Variants in KDM4C observed in about 807,000 individuals in gnomAD.
KDM4C encodes the protein lysine-specific demethylase 4C.
KDM4C carries 81 observed loss-of-function variants against 129.3 expected under a neutral mutation model. The ratio of observed to expected loss-of-function variants is 0.63; its 90% CI spans 0.52 to 0.75. KDM4C has a LOEUF of 0.75. KDM4C is among the 30% of genes least tolerant of loss of function. KDM4C has a pLI of 0.00. For missense variants in KDM4C, 1,457 were observed against 1,304.0 expected (o/e 1.12, Z -1.81); for synonymous variants, 573 against 456.1 (o/e 1.26, Z -3.26).
intron 12 of KDM4C, among the ~76,000 whole-genome samples, chr9:7,007,554 T>G (rs921160009): frequency 2.0e-5 from 3 of 152,204 alleles, no homozygotes; most frequent in African/African-American, 7.2e-5. Context: ...ACTGCTTGGC[T>G]TTAAGATTGA....
intron 8 of KDM4C, among the ~76,000 whole-genome samples, chr9:6,963,903 C>G (rs1319202298): frequency 1.3e-5 from 2 of 152,044 alleles, no homozygotes; most frequent in African/African-American, 4.8e-5. Flanking sequence ...TTAGCTATTC[C>G]TAGATTAACT....
At chr9:6,876,735 C>G (rs1330286437) in intron 5 of KDM4C, among the ~76,000 whole-genome samples, 1 of 152,114 alleles carries the variant, frequency 6.6e-6, no homozygotes, top group Admixed American at 6.6e-5. Flanking sequence ...TGACTGAGTG[C>G]CCCTGAAGCC....
At chr9:7,148,721 A>T (rs988443029) in intron 19 of KDM4C, among the ~76,000 whole-genome samples, 2 of 152,218 alleles carry the variant, frequency 1.3e-5, no homozygotes, top group Admixed American at 1.3e-4. Context: ...GCTTTATTGG[A>T]TGACCGAACA....
At chr9:6,972,310 AAG>A (rs1273332567) in intron 8 of KDM4C, among the ~76,000 whole-genome samples, 4 of 151,886 alleles carry the variant, frequency 2.6e-5, no homozygotes, top group Admixed American at 6.6e-5. Flanking sequence ...AAAATAGAAA[AAG>A]AAAACACACA....
intron 8 of KDM4C, among the ~76,000 whole-genome samples, chr9:6,954,190 T>G (rs1828669293): frequency 6.6e-6 from 1 of 152,212 alleles, no homozygotes; most frequent in Non-Finnish European, 1.5e-5. Flanking sequence ...ATCCTATATA[T>G]CTTTCAGTGT....
intron 13 of KDM4C, among the ~76,000 whole-genome samples, chr9:7,012,528 G>C (rs1410732556): frequency 3.3e-5 from 5 of 152,034 alleles, no homozygotes; most frequent in Non-Finnish European, 5.9e-5. Flanking sequence ...TCAGCCCTAG[G>C]TCCAAATTTT....
chr9:6,908,759 G>A (rs1449070177), intron 8 of KDM4C, among the ~76,000 whole-genome samples: 2 of 152,062 alleles, frequency 1.3e-5, no homozygotes, highest in Non-Finnish European at 2.9e-5. Context: ...AGTCTGCCTG[G>A]GTTTGAATCC....
intron 1 of KDM4C, among the ~76,000 whole-genome samples, chr9:6,789,882 A>T (rs1826197723): frequency 6.6e-6 from 1 of 151,604 alleles, no homozygotes; most frequent in Admixed American, 6.6e-5. Context: ...TGTGCAGATT[A>T]TTTTCTCCTT....
At chr9:7,056,338 A>G (rs1252413510) in intron 17 of KDM4C, among the ~76,000 whole-genome samples, 3 of 124,196 alleles carry the variant, frequency 2.4e-5, no homozygotes, top group Non-Finnish European at 3.4e-5. Context: ...AGGTTTTTAA[A>G]TAAGTGTAGT....
intron 12 of KDM4C, among the ~76,000 whole-genome samples, chr9:7,005,798 C>T (rs947238187): frequency 3.3e-5 from 5 of 152,160 alleles, no homozygotes; most frequent in African/African-American, 1.2e-4. Flanking sequence ...TAATCTTGTA[C>T]TCATTTTACA....
chr9:7,039,949 C>T (rs1425170372), intron 15 of KDM4C, among the ~76,000 whole-genome samples: 2 of 152,008 alleles, frequency 1.3e-5, no homozygotes, highest in South Asian at 4.1e-4. Flanking sequence ...TCTAATTCCA[C>T]TACTAATTTT....
At chr9:7,159,637 T>A (rs192911787) in intron 19 of KDM4C, among the ~76,000 whole-genome samples, 3 of 152,336 alleles carry the variant, frequency 2.0e-5, no homozygotes, top group African/African-American at 7.2e-5. Flanking sequence ...AATTCTTTTC[T>A]TTAGGAATGT....
At chr9:6,939,149 A>C (rs972851872) in intron 8 of KDM4C, among the ~76,000 whole-genome samples, 1 of 151,726 alleles carries the variant, frequency 6.6e-6, no homozygotes, top group Non-Finnish European at 1.5e-5. Flanking sequence ...ATAGGAGGTG[A>C]GCTAGCAAGG....
Position 6,793,111 on chromosome 9 carries a change from C to T in KDM4C, c.123C>T (p.Ala41=). 2 of 1,613,836 alleles carry T rather than the reference C, an allele frequency of 1.2e-6. No homozygotes were observed. Among genetic ancestry groups the T allele is most frequent in the Non-Finnish European group, 8.5e-7 (1 of 1,179,892 alleles). ...KYLAYMESKG[A]HRAGLAKVIP... The stretch of plus-strand genomic sequence containing the variant: ...TTGCATACATGGAGTCTAAAGGAGC[C>T]CATCGTGCGGGTCTTGCAAAGGTGA... Residue 41 remains alanine, a synonymous_variant, in exon 2 of 22, where the codon GCC becomes GCT. Coordinates refer to ENST00000381309, the MANE Select transcript of KDM4C (RefSeq NM_015061.6).
intron 8 of KDM4C, among the ~76,000 whole-genome samples, chr9:6,939,232 A>G (rs1176034298): frequency 6.6e-6 from 1 of 151,940 alleles, no homozygotes; most frequent in Non-Finnish European, 1.5e-5. Context: ...CAGCGGTGGT[A>G]TTAGATTCTC....
intron 8 of KDM4C, among the ~76,000 whole-genome samples, chr9:6,950,872 C>T (rs192389275): frequency 6.6e-6 from 1 of 152,152 alleles, no homozygotes; most frequent in Non-Finnish European, 1.5e-5. Context: ...GTTAAAATCT[C>T]AGATCCTTAG....
intron 18 of KDM4C, among the ~76,000 whole-genome samples, chr9:7,114,705 GCT>G (rs952694710): frequency 7.2e-5 from 11 of 152,126 alleles, no homozygotes; most frequent in Non-Finnish European, 1.3e-4. Flanking sequence ...ACTTGTCAGT[GCT>G]CTGTTTTATG....
chr9:7,122,963 T>C (rs1221540712), intron 18 of KDM4C, among the ~76,000 whole-genome samples: 2 of 152,220 alleles, frequency 1.3e-5, no homozygotes, highest in African/African-American at 4.8e-5. Flanking sequence ...CTTAGACTTT[T>C]CTGACAGGAA....
chr9:7,006,539 T>G (rs1093707), intron 12 of KDM4C, among the ~76,000 whole-genome samples: 37,586 of 151,730 alleles, frequency 0.25, 4,704 homozygotes, highest in African/African-American at 0.28. Flanking sequence ...GGAGATGCAT[T>G]TAAGACACCT....
Sources: gnomAD v4.1 joint callset for allele counts (sites outside exome capture counted in the v4.1 genomes callset) on GRCh38, gnomAD v4.1.1 for gene constraint, MANE v1.5 for transcripts, NCBI Gene and HGNC (gene_info 2026-07-23, HGNC 2026-07-21) for gene names.